The following HACD2 variants were observed in gnomAD, a reference collection of about 807,000 sequenced individuals.
The protein encoded by HACD2 is very-long-chain (3R)-3-hydroxyacyl-CoA dehydratase 2.
Under a neutral mutation model 31.0 loss-of-function variants are expected in HACD2, and 15 were observed. The ratio of observed to expected loss-of-function variants is 0.48; its 90% confidence interval spans 0.32 to 0.75. HACD2 has a LOEUF of 0.75. Ranked by LOEUF, HACD2 falls within the 30% of genes least tolerant of loss-of-function variation. The pLI, the probability that HACD2 is intolerant of heterozygous loss-of-function variation, is 0.03. For missense variants in HACD2, 283 were observed against 313.0 expected, an observed-to-expected ratio of 0.90 and a Z score of 0.72; for synonymous variants, 115 against 122.2, an observed-to-expected ratio of 0.94 and a Z score of 0.39.
At chr3:123,532,878 ATATTACCT>A (rs2056381470) in intron 3 of HACD2, among the ~76,000 whole-genome samples, 1 of 151,262 alleles carries the variant, frequency 6.6e-6, no homozygotes, top group Middle Eastern at 3.4e-3. Context: ...AACAGTATTA[ATATTACCT>A]TATTTGCCGT....
At chr3:123,542,559 T>C (rs1194539092) in intron 3 of HACD2, among the ~76,000 whole-genome samples, 1 of 152,248 alleles carries the variant, frequency 6.6e-6, no homozygotes, top group Admixed American at 6.5e-5. Context: ...AGCCAAAGAC[T>C]AAAACATCTA....
chr3:123,527,601 TAAAGA>T (rs2056299977), intron 4 of HACD2, among the ~76,000 whole-genome samples: 1 of 152,176 alleles, frequency 6.6e-6, no homozygotes, highest in Non-Finnish European at 1.5e-5. Context: ...AGAGGAGCCA[TAAAGA>T]ACTTCCTTGA....
intron 3 of HACD2, among the ~76,000 whole-genome samples, chr3:123,532,293 T>C (rs1269021907): frequency 6.6e-6 from 1 of 152,172 alleles, no homozygotes; most frequent in Non-Finnish European, 1.5e-5. Context: ...TCAGACCAAC[T>C]GTCACTTAGT....
At chr3:123,569,921 A>G (rs1046386029) in intron 2 of HACD2, among the ~76,000 whole-genome samples, 1 of 144,420 alleles carries the variant, frequency 6.9e-6, no homozygotes, top group African/African-American at 2.6e-5. Flanking sequence ...CCCAGCAGAC[A>G]GAGGTTGCAG....
chr3:123,560,332 T>C (rs1037460494), intron 3 of HACD2, among the ~76,000 whole-genome samples: 1 of 152,192 alleles, frequency 6.6e-6, no homozygotes, highest in Non-Finnish European at 1.5e-5. Flanking sequence ...TAGAGCTCCA[T>C]TGTCAGGATG....
intron 4 of HACD2, among the ~76,000 whole-genome samples, chr3:123,514,989 A>C (rs1269288142): frequency 6.6e-6 from 1 of 152,372 alleles, no homozygotes; most frequent in South Asian, 2.1e-4. Context: ...ACAGTTATAC[A>C]GAAATTTGTC....
At chr3:123,547,228 C>T (rs1185059094) in intron 3 of HACD2, among the ~76,000 whole-genome samples, 2 of 152,096 alleles carry the variant, frequency 1.3e-5, no homozygotes, top group Non-Finnish European at 2.9e-5. Context: ...TTCCTCCACA[C>T]AGATTATTTT....
intron 1 of HACD2, among the ~76,000 whole-genome samples, chr3:123,583,936 C>A (rs1465676451): frequency 6.6e-6 from 1 of 152,138 alleles, no homozygotes; most frequent in Non-Finnish European, 1.5e-5. Context: ...TCTTTCAACT[C>A]TTCTGTATGT....
At chr3:123,540,354 C>CT (rs1332172517) in intron 3 of HACD2, among the ~76,000 whole-genome samples, 2 of 152,156 alleles carry the variant, frequency 1.3e-5, no homozygotes, top group Non-Finnish European at 2.9e-5. Context: ...AAGGGAATGA[C>CT]TTTTTTGAAA....
chr3:123,504,542 A>C (rs1260111822), intron 4 of HACD2, among the ~76,000 whole-genome samples: 4 of 151,506 alleles, frequency 2.6e-5, no homozygotes, highest in East Asian at 1.9e-4. Flanking sequence ...AAAAAAAAAA[A>C]CAAACAAAAC....
chr3:123,570,813 G>C (rs978509497), intron 2 of HACD2, among the ~76,000 whole-genome samples: 5 of 152,046 alleles, frequency 3.3e-5, no homozygotes, highest in African/African-American at 1.2e-4. Flanking sequence ...TGTAATGCAA[G>C]AGGCAATAAA....
At chr3:123,495,814 G>A (rs1002967514) in intron 6 of HACD2, among the ~76,000 whole-genome samples, 3 of 152,130 alleles carry the variant, frequency 2.0e-5, no homozygotes, top group Non-Finnish European at 4.4e-5. Flanking sequence ...TGGCATATGA[G>A]ACCAGGGATG....
intron 3 of HACD2, among the ~76,000 whole-genome samples, chr3:123,541,114 T>C (rs538124423): frequency 2.7e-4 from 41 of 152,172 alleles, no homozygotes; most frequent in Middle Eastern, 3.4e-3. Flanking sequence ...TTGCTAAAAA[T>C]ACAAAAATTA....
At position 123,522,455 on chromosome 3, in the gene HACD2, G is replaced by C. The variant is rs563407058; in HGVS notation, c.381+5931C>G. 1.9e-3 allele frequency among the ~76,000 whole-genome samples: 284 copies of C among 152,126 alleles called. 2 individuals carry two copies. The highest frequency in any genetic ancestry group is 6.7e-3 in the African/African-American group (277 of 41,488). The stretch of plus-strand genomic sequence containing the variant: ...CACAGTACAAGGAAAATGTTGGAAA[G>C]GGACAGGCAGAAAAACACTGAGAGA... On this transcript the variant is annotated intron_variant, in intron 4 of 6. Coordinates refer to ENST00000383657, the MANE Select transcript of HACD2 (RefSeq NM_198402.5).
rs775386452 is a variant in HACD2 at position 123,567,786 on chromosome 3, G to T, written c.274-6C>A. On this transcript the variant is annotated splice_polypyrimidine_tract_variant and splice_region_variant and intron_variant, in intron 2 of 6. Coordinates refer to ENST00000383657, the MANE Select transcript of HACD2 (RefSeq NM_198402.5). ...CCTATAGCACAATGTAAAATCTAGAGGAAAAAAGGGGAAAAAAGAGGAGAA... is the reference window on the plus strand; with the variant it reads ...CCTATAGCACAATGTAAAATCTAGATGAAAAAAGGGGAAAAAAGAGGAGAA... 2.0e-5 allele frequency: 30 copies of T among 1,469,988 alleles called. No individual in the cohort carries two copies. Among genetic ancestry groups the T allele is most frequent in the Non-Finnish European group, 2.7e-5 (29 of 1,089,074 alleles). The allele number at this position is 1,469,988 out of a possible 1,614,324, so 91.1% of individuals were successfully genotyped here.
chr3:123,579,650 T>C (rs1437482400), intron 2 of HACD2, among the ~76,000 whole-genome samples: 1 of 152,108 alleles, frequency 6.6e-6, no homozygotes, highest in East Asian at 1.9e-4. Flanking sequence ...GAAACCCCTT[T>C]AAATTATTGA....
At chr3:123,540,082 TAAA>T (rs570658977) in intron 3 of HACD2, among the ~76,000 whole-genome samples, 2 of 119,546 alleles carry the variant, frequency 1.7e-5, no homozygotes, top group Non-Finnish European at 1.8e-5. Flanking sequence ...AGACCCTGTC[TAAA>T]AAAAAAAAAA....
At chr3:123,496,622 C>T (rs1223878720) in intron 6 of HACD2, among the ~76,000 whole-genome samples, 1 of 152,156 alleles carries the variant, frequency 6.6e-6, no homozygotes, top group African/African-American at 2.4e-5. Context: ...ACTATTTTGG[C>T]ACGAAAGCCA....
intron 6 of HACD2, chr3:123,499,325 T>A (rs1228118565): frequency 5.4e-6 from 1 of 185,808 alleles, no homozygotes; most frequent in Non-Finnish European, 1.2e-5. Flanking sequence ...CTTAGTAGTT[T>A]AGATGATTTC....
Sources: allele counts gnomAD v4.1 joint callset (sites outside exome capture counted in the v4.1 genomes callset), GRCh38; gene constraint gnomAD v4.1.1; transcripts MANE v1.5; gene names NCBI Gene and HGNC (gene_info 2026-07-23, HGNC 2026-07-21).